Variants in PKP3 observed in about 807,000 individuals in gnomAD.
PKP3 encodes the protein plakophilin-3.
Under a neutral mutation model 76.5 loss-of-function variants are expected in PKP3, and 66 were observed. That is an observed-to-expected ratio of 0.86 (90% confidence interval 0.71 to 1.06). PKP3 has a LOEUF of 1.06. PKP3 is among the 50% of genes least tolerant of loss of function. PKP3 has a pLI of 0.00. For synonymous variants in PKP3, 638 were observed against 516.5 expected (o/e 1.24, Z -3.19); for missense variants, 1,338 against 1,141.0 (o/e 1.17, Z -2.49).
At chr11:400,758 C>G (rs1357035326) in intron 8 of PKP3, 53 bp downstream of exon 8, 4 of 1,065,472 alleles carry the variant, frequency 3.8e-6, no homozygotes, top group Non-Finnish European at 4.7e-6. Context: ...CCCGGCCCCG[C>G]TGACCCCGGC....
chr11:403,333 A>G (rs1590360950), intron 9 of PKP3, 70 bp downstream of exon 9: 1 of 1,047,748 alleles, frequency 9.5e-7, no homozygotes, highest in Non-Finnish European at 1.4e-6. Flanking sequence ...CAGAGGAGGG[A>G]GAGGGAGGGG....
Position 397,298 on chromosome 11 carries a change from C to A in PKP3, c.797C>A (p.Ala266Glu). Residue 266 changes from alanine (A) to glutamate (E), a missense_variant, in exon 3 of 13, where the codon GCA becomes GAA. Coordinates refer to ENST00000331563, the MANE Select transcript of PKP3 (RefSeq NM_007183.4). ...SSHRSRGVGG[A>E]VPGAVLEPVA... Reference sequence around the variant, plus strand: ...CACCGGAGCCGCGGGGTAGGCGGGGCAGTGCCGGGGGCCGTCCTGGAGCCA... The same window carrying A: ...CACCGGAGCCGCGGGGTAGGCGGGGAAGTGCCGGGGGCCGTCCTGGAGCCA... 1 of 1,592,636 alleles carries A rather than the reference C, an allele frequency of 6.3e-7. No individual in the cohort carries two copies. Among genetic ancestry groups the A allele is most frequent in the Admixed American group, 1.7e-5 (1 of 58,206 alleles).
At chr11:400,239 C>T (rs1392877331) in intron 6 of PKP3, 95 bp from the exon 7 acceptor site, 4 of 1,407,296 alleles carry the variant, frequency 2.8e-6, no homozygotes, top group African/African-American at 1.4e-5. Flanking sequence ...CCGCACGCCT[C>T]GCGCTGGGGA....
At chr11:395,255 A>T (rs1847030132) in intron 1 of PKP3, among the ~76,000 whole-genome samples, 1 of 151,820 alleles carries the variant, frequency 6.6e-6, no homozygotes, top group Non-Finnish European at 1.5e-5. Context: ...AGCAACAGGG[A>T]TTAAGGTTAG....
chr11:404,142 G>A lies in PKP3; in HGVS notation c.2270+7G>A, dbSNP rs1180245310. 6.2e-7 allele frequency: 1 copy of A among 1,608,530 alleles called. No individual in the cohort carries two copies. Among genetic ancestry groups the A allele is most frequent in the Non-Finnish European group, 8.5e-7 (1 of 1,177,164 alleles). ...TCAAGAAGAAGCGGGACAGGTAGGG[G>A]CCGACCCAGCCGTGCAGCAGCCTGG... On this transcript the variant is annotated splice_region_variant and intron_variant, in intron 11 of 12. Transcript: ENST00000331563. The surrounding 1 kb of genome is among the most constrained non-coding windows in gnomAD (Gnocchi z 4.2).
chr11:394,329 C>T lies in PKP3; in HGVS notation c.37C>T (p.Pro13Ser). Residue 13 changes from proline to serine, a missense_variant, in exon 1 of 13, where the codon CCT becomes TCT. Pro to Ser is a moderately conservative substitution (Grantham distance 74). Coordinates refer to ENST00000331563, the MANE Select transcript of PKP3 (RefSeq NM_007183.4). ...DGNFLLSALQ[P>S]EAGVCSLALP... ...TAACTTCCTGCTGTCGGCCCTGCAG[C>T]CTGAGGCCGGCGTGTGCTCCCTGGC... 1 of 1,514,654 alleles carries T rather than the reference C, an allele frequency of 6.6e-7. No homozygotes were observed. The highest frequency in any genetic ancestry group is 1.2e-5 in the South Asian group (1 of 82,618). The allele number at this position is 1,514,654 out of a possible 1,614,324, so 93.8% of individuals were successfully genotyped here.
At position 403,180 on chromosome 11, in the gene PKP3, C is replaced by G; in HGVS notation, c.1840C>G (p.Leu614Val). ...CCAGATCGTGGGGCTGTACAACCGG[C>G]TGCTGCAGCGCTGCGAGCTCAACCG... ...SPQIVGLYNR[L>V]LQRCELNRHT... is the part of the protein sequence containing the mutation. The change falls in exon 9 of 13, where the codon CTG becomes GTG. Residue 614 changes from leucine to valine, a missense_variant. Transcript: ENST00000331563. 1 of 1,589,244 alleles carries G rather than the reference C, an allele frequency of 6.3e-7. No individual in the cohort carries two copies. The highest frequency in any genetic ancestry group is 8.5e-7 in the Non-Finnish European group (1 of 1,169,668).
chr11:392,849 C>T (rs1362792629), upstream of PKP3: 26 of 418,110 alleles, frequency 6.2e-5, 1 homozygote, highest in Middle Eastern at 8.7e-4. Flanking sequence ...AGCTTCCTCC[C>T]CTCAGAACTG....
intron 7 of PKP3, 25 bp from the exon 8 acceptor site, chr11:400,510 C>T: frequency 6.7e-7 from 1 of 1,493,610 alleles, no homozygotes; most frequent in South Asian, 1.3e-5. Flanking sequence ...TGACCCGCGC[C>T]CCTGCCCCGC....
chr11:396,529 G>A (rs1220560191), intron 1 of PKP3, 79 bp from the exon 2 acceptor site: 6 of 1,019,234 alleles, frequency 5.9e-6, no homozygotes, highest in Non-Finnish European at 7.3e-6. Flanking sequence ...TGCCAATAGC[G>A]ATGGAGTGGT....
chr11:403,726 C>T lies in PKP3; in HGVS notation c.2032C>T (p.Leu678Phe). The T allele has an allele frequency of 1.2e-6, 2 of 1,609,872 alleles. No individual in the cohort carries two copies. The highest frequency in any genetic ancestry group is 1.1e-5 in the South Asian group (1 of 91,084). ...CCACCAGCTGCGCTCACTGACTGGC[C>T]TCATCCGAAACCTGTCTCGGAACGC... ...DHHQLRSLTG[L>F]IRNLSRNARN... The change falls in exon 10 of 13, where the codon CTC (leucine) becomes TTC (phenylalanine). Residue 678 changes from leucine (L) to phenylalanine (F), a missense_variant. Leu to Phe is a conservative substitution (Grantham distance 22). Transcript: ENST00000331563.
chr11:396,464 T>C, intron 1 of PKP3, 144 bp from the exon 2 acceptor site: 1 of 578,554 alleles, frequency 1.7e-6, no homozygotes, highest in Non-Finnish European at 3.0e-6. Context: ...GGGGAGGCAC[T>C]GGCCCTGGTG....
chr11:403,211 C>A lies in PKP3; in HGVS notation c.1871C>A (p.Thr624Lys). ...LLQRCELNRH[T>K]TEAAAGALQN... Reference sequence around the variant, plus strand: ...CAGCGCTGCGAGCTCAACCGGCACACGACGGAGGCGGCCGCCGGGGCGCTG... The same window carrying A: ...CAGCGCTGCGAGCTCAACCGGCACAAGACGGAGGCGGCCGCCGGGGCGCTG... Residue 624 changes from threonine to lysine, a missense_variant, in exon 9 of 13, where the codon ACG becomes AAG. Thr to Lys is a moderately conservative substitution (Grantham distance 78). Coordinates refer to ENST00000331563, the MANE Select transcript of PKP3 (RefSeq NM_007183.4). 6.3e-7 allele frequency: 1 copy of A among 1,590,392 alleles called. No individual in the cohort carries two copies. The highest frequency in any genetic ancestry group is 8.5e-7 in the Non-Finnish European group (1 of 1,170,822).
Position 396,650 on chromosome 11 carries a change from G to A in PKP3, c.275G>A (p.Ser92Asn). Residue 92 changes from serine to asparagine, a missense_variant, in exon 2 of 13, where the codon AGC (serine) becomes AAC (asparagine). Coordinates refer to ENST00000331563, the MANE Select transcript of PKP3 (RefSeq NM_007183.4). ...GQYHTLQAGFSSRSQGLSGDK... is the reference protein window; with the variant it reads ...GQYHTLQAGFNSRSQGLSGDK... Reference sequence around the variant, plus strand: ...TACCACACCCTGCAGGCTGGCTTCAGCTCTCGCTCTCAGGGCCTGAGTGGG... The same window carrying A: ...TACCACACCCTGCAGGCTGGCTTCAACTCTCGCTCTCAGGGCCTGAGTGGG... 1.2e-6 allele frequency: 2 copies of A among 1,611,262 alleles called. No homozygotes were observed. Among genetic ancestry groups the A allele is most frequent in the Non-Finnish European group, 1.7e-6 (2 of 1,179,420 alleles).
Position 396,823 on chromosome 11 carries a change from C to T in PKP3, c.322C>T (p.Pro108Ser), listed in dbSNP as rs1318329289. The part of the protein sequence containing the change: ...LSGDKTSGFR[P>S]IAKPAYSPAS... ...CCCTCTCGACCCACAGGGCTTCCGGCCCATCGCCAAGCCGGCCTACAGCCC... is the reference window on the plus strand; with the variant it reads ...CCCTCTCGACCCACAGGGCTTCCGGTCCATCGCCAAGCCGGCCTACAGCCC... Residue 108 changes from proline (P) to serine (S), a missense_variant, in exon 3 of 13, where the codon CCC becomes TCC. Physicochemically the swap from Pro to Ser is moderately conservative, Grantham distance 74. Transcript: ENST00000331563. The T allele has an allele frequency of 6.3e-7, 1 of 1,588,660 alleles. No homozygotes were observed. Among genetic ancestry groups the T allele is most frequent in the Non-Finnish European group, 8.5e-7 (1 of 1,171,972 alleles).
chr11:404,615 G>A lies in PKP3; in HGVS notation c.*46G>A, dbSNP rs766515522. 5.0e-6 allele frequency: 8 copies of A among 1,590,218 alleles called. 1 individual carries two copies. The South Asian group carries it at 8.8e-5, about 18-fold the overall frequency. On this transcript the variant is annotated 3_prime_UTR_variant, in exon 13 of 13. Coordinates refer to ENST00000331563, the MANE Select transcript of PKP3 (RefSeq NM_007183.4). The surrounding 1 kb of genome is among the most constrained non-coding windows in gnomAD (Gnocchi z 4.2). The stretch of plus-strand genomic sequence containing the variant: ...AGGTGACGTGGCCCAGCGTCCAAGG[G>A]ACAGACTCAGCTCCAGGCTGCTTGG...
At position 397,293 on chromosome 11, in the gene PKP3, C is replaced by T. The variant is rs939786422; in HGVS notation, c.792C>T (p.Gly264=). The T allele has an allele frequency of 2.5e-5, 40 of 1,593,048 alleles. No homozygotes were observed. Among genetic ancestry groups the T allele is most frequent in the African/African-American group, 1.9e-4 (14 of 74,672 alleles). Residue 264 remains glycine (G), a synonymous_variant, in exon 3 of 13, where the codon GGC becomes GGT. Coordinates refer to ENST00000331563, the MANE Select transcript of PKP3 (RefSeq NM_007183.4). ...GCAGCCACCGGAGCCGCGGGGTAGG[C>T]GGGGCAGTGCCGGGGGCCGTCCTGG... is the stretch of plus-strand genomic sequence containing the variant. ...FQSSHRSRGV[G]GAVPGAVLEP...
At position 404,153 on chromosome 11, in the gene PKP3, C is replaced by A. The variant is rs200820705; in HGVS notation, c.2270+18C>A. 6 of 1,607,732 alleles carry A rather than the reference C, an allele frequency of 3.7e-6. No homozygotes were observed. In the African/African-American group the frequency reaches 8.0e-5, roughly 21 times the overall value. On this transcript the variant is annotated intron_variant, in intron 11 of 12. Coordinates refer to ENST00000331563, the MANE Select transcript of PKP3 (RefSeq NM_007183.4). This position sits in a 1 kb window ranked among gnomAD's most constrained non-coding sequence, Gnocchi z 4.2. ...CGGGACAGGTAGGGGCCGACCCAGC[C>A]GTGCAGCAGCCTGGTCAGGGGTCCT...
Position 394,426 on chromosome 11 carries a change from G to C in PKP3, c.134G>C (p.Arg45Pro). ...GPEAERLRAARVQEQVRARLL... is the reference protein window; with the variant it reads ...GPEAERLRAAPVQEQVRARLL... ...GAGGCCGAGCGGCTGCGGGCAGCCC[G>C]CGTCCAGGAGCAGGTCCGCGCCCGC... Residue 45 changes from arginine to proline, a missense_variant, in exon 1 of 13, where the codon CGC (arginine) becomes CCC (proline). Transcript: ENST00000331563. 2.7e-6 allele frequency: 4 copies of C among 1,467,648 alleles called. No individual in the cohort carries two copies. The highest frequency in any genetic ancestry group is 3.6e-6 in the Non-Finnish European group (4 of 1,117,954). 90.9% of individuals were successfully genotyped at this position (1,467,648 alleles called of 1,614,324 possible).
Sources: gnomAD v4.1 joint callset for allele counts (sites outside exome capture counted in the v4.1 genomes callset) on GRCh38, gnomAD v4.1.1 for gene constraint, Gnocchi (gnomAD v3.1) non-coding constraint, MANE v1.5 for transcripts, NCBI Gene and HGNC (gene_info 2026-07-23, HGNC 2026-07-21) for gene names.